The following CZIB variants were observed in gnomAD, a reference collection of about 807,000 sequenced individuals.
The protein encoded by CZIB is CXXC motif containing zinc binding protein, also known as UPF0587 protein C1orf123.
Under a neutral mutation model 28.3 loss-of-function variants are expected in CZIB, and 26 were observed. The observed-to-expected ratio is 0.92, with a 90% CI of 0.67 to 1.27. The LOEUF (loss-of-function observed/expected upper bound fraction) is 1.27. CZIB is among the 50% of genes most tolerant of loss of function. The pLI, the probability that CZIB is intolerant of heterozygous loss-of-function variation, is 0.00. For missense variants in CZIB, 179 were observed against 197.3 expected (o/e 0.91, Z 0.56); for synonymous variants, 78 against 71.1 (o/e 1.10, Z -0.49).
In CZIB at chr1:53,218,499, G is replaced by C; in HGVS notation, c.148-4C>G. On this transcript the variant is annotated splice_polypyrimidine_tract_variant and splice_region_variant and intron_variant, in intron 3 of 7. Coordinates refer to ENST00000294360, the MANE Select transcript of CZIB (RefSeq NM_017887.3). ...CCCCCTTCAGTGCCACACTGTCCTG[G>C]CAAAAAGCAAACAGAACTTTCAGTC... 2 of 1,613,842 alleles carry C rather than the reference G, an allele frequency of 1.2e-6. No individual in the cohort carries two copies. Among genetic ancestry groups the C allele is most frequent in the Non-Finnish European group, 8.5e-7 (1 of 1,179,892 alleles).
At chr1:53,220,219 T>A (rs771945980) in intron 2 of CZIB, 42 bp downstream of exon 2, 1 of 1,559,762 alleles carries the variant, frequency 6.4e-7, no homozygotes, top group Non-Finnish European at 8.8e-7. Context: ...AGCACTGAGA[T>A]CAGGACGGGC....
At chr1:53,220,476 C>G in intron 1 of CZIB, 94 bp downstream of exon 1, 1 of 1,584,392 alleles carries the variant, frequency 6.3e-7, no homozygotes, top group Non-Finnish European at 8.6e-7. Flanking sequence ...TCAGCGCGCA[C>G]CCACTCGCTT....
At chr1:53,220,379 T>G in intron 1 of CZIB, 35 bp from the exon 2 acceptor site, 1 of 1,604,948 alleles carries the variant, frequency 6.2e-7, no homozygotes, top group Non-Finnish European at 8.5e-7. Flanking sequence ...GCGTCAGCCG[T>G]GCCTGCGCAG....
intron 3 of CZIB, 93 bp from the exon 4 acceptor site, chr1:53,218,588 G>T: frequency 7.8e-7 from 1 of 1,288,620 alleles, no homozygotes; most frequent in Non-Finnish European, 1.1e-6. Context: ...CACTTAAAGA[G>T]ACCAAGACCC....
chr1:53,220,191 G>C (rs188645126), intron 2 of CZIB, 70 bp downstream of exon 2: 42 of 1,346,992 alleles, frequency 3.1e-5, no homozygotes, highest in Non-Finnish European at 4.4e-5. Context: ...CATACTGCCG[G>C]AGAGAAGGCT....
intron 1 of CZIB, 31 bp from the exon 2 acceptor site, chr1:53,220,375 G>C (rs375458078): frequency 2.9e-5 from 46 of 1,606,316 alleles, no homozygotes; most frequent in Non-Finnish European, 3.7e-5. Flanking sequence ...GACTGCGTCA[G>C]CCGTGCCTGC....
At chr1:53,215,348 T>C (rs74603832) in intron 7 of CZIB, among the ~76,000 whole-genome samples, 23,465 of 151,982 alleles carry the variant, frequency 0.15, 2,266 homozygotes, top group African/African-American at 0.27. Context: ...AAAAAATACA[T>C]AAAATAAAAT....
intron 5 of CZIB, 62 bp from the exon 6 acceptor site, chr1:53,216,921 CCT>C (rs1161069848): frequency 5.7e-6 from 8 of 1,395,988 alleles, no homozygotes; most frequent in Non-Finnish European, 6.1e-6. Flanking sequence ...CCCCATGGCC[CCT>C]CTCCTTCCTG....
rs779970301 is a variant in CZIB, at chr1:53,220,337, G to A, written c.14C>T (p.Ala5Val). The change falls in exon 2 of 8, where the codon GCG (alanine) becomes GTG (valine). Residue 5 changes from alanine (A) to valine (V), a missense_variant. Physicochemically the swap from Ala to Val is moderately conservative, Grantham distance 64. Coordinates refer to ENST00000294360, the MANE Select transcript of CZIB (RefSeq NM_017887.3). Reference sequence around the variant, plus strand: ...CTCCAGCGTGGCTTTGAGTTGCAGCGCGATTTTCTGAGGGGGAGGGCCAGA... The same window carrying A: ...CTCCAGCGTGGCTTTGAGTTGCAGCACGATTTTCTGAGGGGGAGGGCCAGA... MGKI[A>V]LQLKATLENI... The A allele has an allele frequency of 4.3e-6, 7 of 1,612,790 alleles. No homozygotes were observed. The South Asian group carries it at 7.7e-5, about 18-fold the overall frequency.
At position 53,218,374 on chromosome 1, in the gene CZIB, G is replaced by C. The variant is rs113038301; in HGVS notation, c.229+40C>G. The C allele has an allele frequency of 5.6e-6, 9 of 1,607,494 alleles. No homozygotes were observed. The Admixed American group carries it at 1.5e-4, about 27-fold the overall frequency. On this transcript the variant is annotated intron_variant, in intron 4 of 7. Coordinates refer to ENST00000294360, the MANE Select transcript of CZIB (RefSeq NM_017887.3). ...TTCAGCCTGGTGCCAGGAAGCTGTG[G>C]GCCACCCTGGCAGAACTCAGTACGC... is the stretch of plus-strand genomic sequence containing the variant.
At chr1:53,218,800 A>G in intron 3 of CZIB, 67 bp downstream of exon 3, 1 of 1,493,682 alleles carries the variant, frequency 6.7e-7, no homozygotes. Flanking sequence ...GTTTCCCCAA[A>G]TCCCTGCCCA....
intron 5 of CZIB, chr1:53,217,840 G>A (rs1645483556): frequency 3.1e-6 from 1 of 319,922 alleles, no homozygotes; most frequent in Non-Finnish European, 5.8e-6. Flanking sequence ...TGCACCAAAC[G>A]ACTACCCCAC....
In CZIB at chr1:53,220,623, C is replaced by A; in HGVS notation, c.-48G>T. 6.3e-7 allele frequency: 1 copy of A among 1,589,688 alleles called. No homozygotes were observed. The highest frequency in any genetic ancestry group is 8.5e-7 in the Non-Finnish European group (1 of 1,175,028). ...TGGCTGCGGCCCTTGCCGTTGCTTT[C>A]CGGCGCGTCGTAAAAGGCGGGTGCC... On this transcript the variant is annotated 5_prime_UTR_variant, in exon 1 of 8. Coordinates refer to ENST00000294360, the MANE Select transcript of CZIB (RefSeq NM_017887.3).
rs1254767394 is a variant in CZIB, at chr1:53,214,616, T to G, written c.*43A>C. 4 of 1,562,132 alleles carry G rather than the reference T, an allele frequency of 2.6e-6. No individual in the cohort carries two copies. The highest frequency in any genetic ancestry group is 2.6e-6 in the Non-Finnish European group (3 of 1,133,908). On this transcript the variant is annotated 3_prime_UTR_variant, in exon 8 of 8. Transcript: ENST00000294360. ...GTGGGCTCTGCTGCTTAGAGTACTTTGTCCTTTCTCAGTTCTTAAGGGCAA... is the reference window on the plus strand; with the variant it reads ...GTGGGCTCTGCTGCTTAGAGTACTTGGTCCTTTCTCAGTTCTTAAGGGCAA...
chr1:53,220,454 C>T lies in CZIB; in HGVS notation c.7-110G>A, dbSNP rs889762359. On this transcript the variant is annotated intron_variant, in intron 1 of 7. Transcript: ENST00000294360. ...GTGCCACAGGGAGACACTCCTTCTG[C>T]CTCCTGCTCCTTCAGCGCGCACCCA... 3.2e-6 allele frequency: 5 copies of T among 1,570,366 alleles called. No individual in the cohort carries two copies. In the African/African-American group the frequency reaches 5.4e-5, roughly 17 times the overall value.
At chr1:53,216,372 G>A (rs564015577) in intron 6 of CZIB, among the ~76,000 whole-genome samples, 107 of 152,168 alleles carry the variant, frequency 7.0e-4, no homozygotes, top group African/African-American at 1.5e-3. Context: ...TTGATAAAAC[G>A]GGGATGAAGT....
At chr1:53,216,752 CAA>C (rs781563024) in intron 6 of CZIB, 28 bp downstream of exon 6, 10 of 1,607,038 alleles carry the variant, frequency 6.2e-6, no homozygotes, top group South Asian at 1.1e-5. Context: ...TCCCCAAAGA[CAA>C]AGATTCCCCA....
intron 2 of CZIB, chr1:53,219,786 G>C (rs1645506283): frequency 6.4e-6 from 1 of 156,468 alleles, no homozygotes; most frequent in Non-Finnish European, 1.4e-5. Context: ...CAGAGCAGAA[G>C]CTCTGGGATC....
rs547950194 is a variant in CZIB at position 53,218,645 on chromosome 1, G to C, written c.148-150C>G. On this transcript the variant is annotated intron_variant, in intron 3 of 7. Coordinates refer to ENST00000294360, the MANE Select transcript of CZIB (RefSeq NM_017887.3). ...CAAGACTCCTGGGAAGGCTTCCTGA[G>C]GAAAATAAAAAAAGGGCTTCCCCTT... The C allele has an allele frequency of 7.9e-6, 7 of 886,316 alleles. No individual in the cohort carries two copies. The South Asian group carries it at 1.0e-4, about 13-fold the overall frequency. The allele number at this position is 886,316 out of a possible 1,614,324, so 54.9% of individuals were successfully genotyped here. A position where few individuals can be genotyped will look rare whatever the true frequency, so the allele number is the denominator to read the frequency against.
Sources: gnomAD v4.1 joint callset for allele counts (sites outside exome capture counted in the v4.1 genomes callset) on GRCh38, gnomAD v4.1.1 for gene constraint, MANE v1.5 for transcripts, NCBI Gene and HGNC (gene_info 2026-07-23, HGNC 2026-07-21) for gene names.